The following WDFY1 variants were observed in gnomAD, a reference collection of about 807,000 sequenced individuals.
WDFY1 encodes the protein WD repeat and FYVE domain containing 1.
WDFY1 carries 32 observed loss-of-function variants against 56.4 expected under a neutral mutation model. That is an observed-to-expected ratio of 0.57 (90% CI 0.43 to 0.76). WDFY1 has a LOEUF of 0.76. Ranked by LOEUF, WDFY1 falls within the 30% of genes least tolerant of loss-of-function variation. The pLI is 0.00. For missense variants in WDFY1, 480 were observed against 545.7 expected (o/e 0.88, Z 1.20); for synonymous variants, 192 against 197.3 (o/e 0.97, Z 0.23).
intron 8 of WDFY1, among the ~76,000 whole-genome samples, chr2:223,887,255 A>C (rs1166659203): frequency 6.6e-6 from 1 of 152,192 alleles, no homozygotes; most frequent in Non-Finnish European, 1.5e-5. Context: ...TGCCAATGGC[A>C]CAGGGTATTT....
intron 3 of WDFY1, among the ~76,000 whole-genome samples, chr2:223,909,386 G>T (rs1268396966): frequency 6.6e-6 from 1 of 152,018 alleles, no homozygotes; most frequent in African/African-American, 2.4e-5. Context: ...CTCCAAAACA[G>T]TGTCATTATT....
intron 1 of WDFY1, among the ~76,000 whole-genome samples, chr2:223,923,229 TG>T: frequency 6.6e-6 from 1 of 152,336 alleles, no homozygotes; most frequent in East Asian, 1.9e-4. Flanking sequence ...TTAACACTAT[TG>T]TACCCCAAGA....
intron 10 of WDFY1, 53 bp downstream of exon 10, chr2:223,881,889 C>A: frequency 5.6e-6 from 9 of 1,601,454 alleles, no homozygotes; most frequent in Non-Finnish European, 7.7e-6. Flanking sequence ...TTTCAGAGAA[C>A]CATTAGACAG....
chr2:223,906,396 T>G (rs1693598907), intron 3 of WDFY1, among the ~76,000 whole-genome samples: 1 of 152,166 alleles, frequency 6.6e-6, no homozygotes, highest in Non-Finnish European at 1.5e-5. Context: ...TCAGCTACAG[T>G]AAAAACAGGG....
At chr2:223,896,594 T>TC (rs1325833402) in intron 6 of WDFY1, among the ~76,000 whole-genome samples, 1 of 152,244 alleles carries the variant, frequency 6.6e-6, no homozygotes, top group Non-Finnish European at 1.5e-5. Context: ...CTTTCCTTGT[T>TC]CATCGACTGC....
rs774559467 is a variant in WDFY1 at position 223,878,655 on chromosome 2, C to T, written c.*16G>A. Reference sequence around the variant, plus strand: ...GAGCTGCTGTTCTTAGGTGTGGACGCCGCCCAGCTCTCAGATCAGTGCGGA... The same window carrying T: ...GAGCTGCTGTTCTTAGGTGTGGACGTCGCCCAGCTCTCAGATCAGTGCGGA... On this transcript the variant is annotated 3_prime_UTR_variant, in exon 12 of 12. Transcript: ENST00000233055. The T allele has an allele frequency of 2.5e-6, 4 of 1,607,036 alleles. No individual in the cohort carries two copies. The highest frequency in any genetic ancestry group is 3.4e-6 in the Non-Finnish European group (4 of 1,173,654).
rs1693590828 is a variant in WDFY1, at chr2:223,905,882, A to G, written c.334+65T>C. On this transcript the variant is annotated intron_variant, in intron 4 of 11. Transcript: ENST00000233055. ...GAAAATCTAATTTTCATCATAAGAGATGATGTTCTAGTTTTGTGTATGTCT... is the reference window on the plus strand; with the variant it reads ...GAAAATCTAATTTTCATCATAAGAGGTGATGTTCTAGTTTTGTGTATGTCT... The G allele has an allele frequency of 4.4e-6, 5 of 1,137,198 alleles. No homozygotes were observed. The South Asian group carries it at 1.0e-4, about 24-fold the overall frequency. The allele number at this position is 1,137,198 out of a possible 1,614,324, so 70.4% of individuals were successfully genotyped here.
chr2:223,916,500 C>T (rs545742026), intron 2 of WDFY1, among the ~76,000 whole-genome samples: 25 of 152,236 alleles, frequency 1.6e-4, no homozygotes, highest in African/African-American at 3.4e-4. Context: ...CAAATCATCA[C>T]GCATGCACTA....
intron 1 of WDFY1, among the ~76,000 whole-genome samples, chr2:223,940,129 G>A (rs1412574843): frequency 6.6e-6 from 1 of 152,164 alleles, no homozygotes; most frequent in Non-Finnish European, 1.5e-5. Context: ...GACCAGCCTG[G>A]CCAAGACGGT....
At chr2:223,942,240 T>C (rs576172911) in intron 1 of WDFY1, among the ~76,000 whole-genome samples, 2 of 151,962 alleles carry the variant, frequency 1.3e-5, no homozygotes, top group African/African-American at 4.8e-5. Flanking sequence ...TTTTTTTTGA[T>C]ACGGAGTCTG....
In WDFY1 at chr2:223,878,564, G is replaced by C; in HGVS notation, c.*107C>G. ...TCTTTTTAAAAATGTTGATTTGTTT[G>C]TAAGTGGCTACTGTCCATTCACGAG... On this transcript the variant is annotated 3_prime_UTR_variant, in exon 12 of 12. Coordinates refer to ENST00000233055, the MANE Select transcript of WDFY1 (RefSeq NM_020830.5). 2.5e-6 allele frequency: 2 copies of C among 802,038 alleles called. No homozygotes were observed. The highest frequency in any genetic ancestry group is 3.2e-5 in the South Asian group (2 of 62,016). 49.7% of individuals were successfully genotyped at this position (802,038 alleles called of 1,614,324 possible).
intron 1 of WDFY1, among the ~76,000 whole-genome samples, chr2:223,940,639 T>A (rs1689285635): frequency 7.4e-6 from 1 of 134,426 alleles, no homozygotes; most frequent in Admixed American, 7.8e-5. Context: ...AATTCCTTAT[T>A]TCTTTCTTTT....
intron 5 of WDFY1, chr2:223,900,874 T>G: frequency 4.7e-6 from 1 of 211,644 alleles, no homozygotes; most frequent in Non-Finnish European, 9.3e-6. Flanking sequence ...TTTTCCACAA[T>G]TTTGAATTAA....
At chr2:223,926,423 G>A (rs2106097291) in intron 1 of WDFY1, among the ~76,000 whole-genome samples, 1 of 152,082 alleles carries the variant, frequency 6.6e-6, no homozygotes, top group African/African-American at 2.4e-5. Context: ...GAGCCAGTAT[G>A]CCCAGCAAAA....
intron 1 of WDFY1, among the ~76,000 whole-genome samples, chr2:223,942,559 C>T (rs1689326787): frequency 2.5e-5 from 1 of 40,494 alleles, no homozygotes; most frequent in African/African-American, 9.8e-5. Context: ...GACGGAGTCT[C>T]GCTCTGTCGC....
intron 8 of WDFY1, among the ~76,000 whole-genome samples, chr2:223,887,619 G>C (rs1014907512): frequency 6.6e-6 from 1 of 152,226 alleles, no homozygotes; most frequent in South Asian, 2.1e-4. Flanking sequence ...ACAGTTAATG[G>C]CTGGATTTTC....
intron 11 of WDFY1, among the ~76,000 whole-genome samples, chr2:223,879,108 G>T (rs1466652568): frequency 6.6e-6 from 1 of 152,134 alleles, no homozygotes; most frequent in Non-Finnish European, 1.5e-5. Context: ...GATCACCTGA[G>T]CCCAGAAGGC....
Position 223,945,181 on chromosome 2 carries a change from T to A in WDFY1, c.104A>T (p.Lys35Met), listed in dbSNP as rs1389554403. ...DAVTAALLIPKEDGVITASED... is the reference protein window; with the variant it reads ...DAVTAALLIPMEDGVITASED... ...GCTGGCCGTGATCACGCCGTCCTCC[T>A]TGGGGATGAGCAGCGCGGCCGTGAC... Residue 35 changes from lysine (K) to methionine (M), a missense_variant, in exon 1 of 12, where the codon AAG becomes ATG. Transcript: ENST00000233055. The A allele has an allele frequency of 1.3e-6, 2 of 1,598,546 alleles. No individual in the cohort carries two copies. The highest frequency in any genetic ancestry group is 4.6e-5 in the East Asian group (2 of 43,178).
intron 2 of WDFY1, among the ~76,000 whole-genome samples, chr2:223,912,949 A>G (rs994536074): frequency 2.6e-5 from 4 of 152,194 alleles, no homozygotes; most frequent in Non-Finnish European, 5.9e-5. Flanking sequence ...ATAAATTGGA[A>G]CATTTGGAAA....
Sources: gnomAD v4.1 joint callset for allele counts (sites outside exome capture counted in the v4.1 genomes callset) on GRCh38, gnomAD v4.1.1 for gene constraint, MANE v1.5 for transcripts, NCBI Gene and HGNC (gene_info 2026-07-23, HGNC 2026-07-21) for gene names.